The following TUSC3 variants were observed in gnomAD, a reference collection of about 807,000 sequenced individuals.
The protein encoded by TUSC3 is tumor suppressor candidate 3, also known as dolichyl-diphosphooligosaccharide--protein glycosyltransferase subunit TUSC3.
In TUSC3, 45 loss-of-function variants were observed where a neutral mutation model predicts 44.8. That is an observed-to-expected ratio of 1.00 (90% confidence interval 0.79 to 1.29). The LOEUF (loss-of-function observed/expected upper bound fraction) is 1.29, where lower values mean the gene tolerates loss of function less well. TUSC3 is among the 50% of genes most tolerant of loss of function. TUSC3 has a pLI of 0.00. For synonymous variants in TUSC3, 212 were observed against 152.9 expected (o/e 1.39, Z -2.85); for missense variants, 519 against 437.9 (o/e 1.19, Z -1.65).
intron 2 of TUSC3, among the ~76,000 whole-genome samples, chr8:15,499,388 C>G (rs937151018): frequency 2.0e-4 from 31 of 152,156 alleles, no homozygotes; most frequent in African/African-American, 7.5e-4. Flanking sequence ...AGAACTTTTG[C>G]ATTATCTCAG....
Position 15,540,346 on chromosome 8 carries a change from C to G in TUSC3, c.-85C>G. 2 of 1,393,500 alleles carry G rather than the reference C, an allele frequency of 1.4e-6. No individual in the cohort carries two copies. Among genetic ancestry groups the G allele is most frequent in the South Asian group, 3.2e-5 (2 of 62,174 alleles). 86.3% of individuals were successfully genotyped at this position (1,393,500 alleles called of 1,614,324 possible). On this transcript the variant is annotated 5_prime_UTR_variant, in exon 1 of 11. Transcript: ENST00000503731. ...CCGGAGGGCCCAGCCAGCGGGCTCCCGGAGGCTGGCCGGGCAGGCGTGGTG... is the reference window on the plus strand; with the variant it reads ...CCGGAGGGCCCAGCCAGCGGGCTCCGGGAGGCTGGCCGGGCAGGCGTGGTG...
chr8:15,587,784 AT>A (rs1554518777), intron 1 of TUSC3, among the ~76,000 whole-genome samples: 1 of 151,720 alleles, frequency 6.6e-6, no homozygotes, highest in Non-Finnish European at 1.5e-5. Context: ...GTATGAACTC[AT>A]TTTTTTCCAC....
chr8:15,692,189 A>ATTAACTT (rs1255791957), intron 6 of TUSC3, among the ~76,000 whole-genome samples: 3 of 152,114 alleles, frequency 2.0e-5, no homozygotes, highest in Non-Finnish European at 4.4e-5. Flanking sequence ...ATCATGGTGG[A>ATTAACTT]TTAACTTTTT....
At chr8:15,590,909 A>G (rs1360806816) in intron 1 of TUSC3, among the ~76,000 whole-genome samples, 2 of 152,134 alleles carry the variant, frequency 1.3e-5, no homozygotes, top group Non-Finnish European at 2.9e-5. Context: ...CCTGGACTCA[A>G]GCAGTCTGTG....
At chr8:15,582,131 C>G (rs1359267029) in intron 1 of TUSC3, among the ~76,000 whole-genome samples, 2 of 152,222 alleles carry the variant, frequency 1.3e-5, no homozygotes, top group Non-Finnish European at 2.9e-5. Context: ...ACCCCTTGCG[C>G]TTCCCAAGTG....
At chr8:15,776,753 A>T in the TUSC3 span, among the ~76,000 whole-genome samples, 1 of 152,116 alleles carries the variant, frequency 6.6e-6, no homozygotes, top group African/African-American at 2.4e-5. Flanking sequence ...TTCTACCATC[A>T]CAAAGTATTC....
chr8:15,707,189 G>C (rs1809653960), intron 6 of TUSC3, among the ~76,000 whole-genome samples: 1 of 151,936 alleles, frequency 6.6e-6, no homozygotes, highest in Non-Finnish European at 1.5e-5. Context: ...TAAAGTAATT[G>C]AACTGGTAAT....
chr8:15,784,675 A>C, the TUSC3 span, among the ~76,000 whole-genome samples: 3 of 152,064 alleles, frequency 2.0e-5, no homozygotes, highest in Admixed American at 1.3e-4. Flanking sequence ...AAAGACAAAT[A>C]CTGCATGATT....
At chr8:15,631,768 C>T (rs931202354) in intron 2 of TUSC3, among the ~76,000 whole-genome samples, 56 of 151,786 alleles carry the variant, frequency 3.7e-4, no homozygotes, top group Admixed American at 1.8e-3. Context: ...TGCAGTGGCG[C>T]GATCATGGCT....
intron 4 of TUSC3, among the ~76,000 whole-genome samples, chr8:15,661,070 C>A (rs2129179638): frequency 6.6e-6 from 1 of 151,970 alleles, no homozygotes; most frequent in Admixed American, 6.6e-5. Flanking sequence ...CCTGCTACCC[C>A]CATGTCTCTT....
At chr8:15,506,119 G>A (rs1801047371) in intron 2 of TUSC3, among the ~76,000 whole-genome samples, 1 of 152,174 alleles carries the variant, frequency 6.6e-6, no homozygotes, top group South Asian at 2.1e-4. Flanking sequence ...GAAAAAGAGA[G>A]TGACTTCCAC....
chr8:15,478,002 G>C (rs983728909), intron 1 of TUSC3, among the ~76,000 whole-genome samples: 3 of 152,024 alleles, frequency 2.0e-5, no homozygotes, highest in African/African-American at 7.2e-5. Context: ...CTGTTGCCCA[G>C]GCTAGAGTGC....
chr8:15,751,519 G>T (rs1015377193), intron 9 of TUSC3, among the ~76,000 whole-genome samples: 9 of 152,150 alleles, frequency 5.9e-5, no homozygotes, highest in African/African-American at 2.2e-4. Context: ...CTAGGAGGAA[G>T]TGATTGGCTA....
At chr8:15,591,319 T>C (rs1446302058) in intron 1 of TUSC3, among the ~76,000 whole-genome samples, 1 of 140,242 alleles carries the variant, frequency 7.1e-6, no homozygotes, top group African/African-American at 2.7e-5. Flanking sequence ...TCTACATTTA[T>C]GTATTTAAAA....
intron 6 of TUSC3, among the ~76,000 whole-genome samples, chr8:15,683,909 T>C (rs1186615974): frequency 1.3e-5 from 2 of 152,138 alleles, no homozygotes; most frequent in Non-Finnish European, 2.9e-5. Flanking sequence ...AGACTTTGTA[T>C]GGTTTCTTTG....
At chr8:15,503,103 C>G (rs985135470) in intron 2 of TUSC3, among the ~76,000 whole-genome samples, 1 of 152,168 alleles carries the variant, frequency 6.6e-6, no homozygotes, top group Non-Finnish European at 1.5e-5. Flanking sequence ...TCCCCAGAAC[C>G]TCGGAATGTG....
At chr8:15,443,265 C>T (rs912706158) in intron 1 of TUSC3, among the ~76,000 whole-genome samples, 1 of 151,694 alleles carries the variant, frequency 6.6e-6, no homozygotes. Flanking sequence ...TCTCGAGCTC[C>T]TGGACTGATC....
rs200033403 is a variant in TUSC3, at chr8:15,558,503, G to A, written c.138+17935G>A. 0.015 allele frequency among the ~76,000 whole-genome samples: 1,047 copies of A among 69,990 alleles called. 39 individuals are homozygous for A. In the East Asian group the frequency reaches 0.16, roughly 10 times the overall value. 45.9% of individuals were successfully genotyped at this position (69,990 alleles called of 152,430 possible). A position where few individuals can be genotyped will look rare whatever the true frequency, so the allele number is the denominator to read the frequency against. On this transcript the variant is annotated intron_variant, in intron 1 of 10. Transcript: ENST00000503731. ...GTGTCTCTGCCTGGCTTTGGTATCAGAATGATGCTGGCCTCATAAAATGAG... is the reference window on the plus strand; with the variant it reads ...GTGTCTCTGCCTGGCTTTGGTATCAAAATGATGCTGGCCTCATAAAATGAG...
the TUSC3 span, among the ~76,000 whole-genome samples, chr8:15,787,036 G>C: frequency 6.6e-6 from 1 of 150,940 alleles, no homozygotes; most frequent in African/African-American, 2.4e-5. Context: ...TGGGTCTGTG[G>C]TTTGCTATAT....
Sources: gnomAD v4.1 joint callset for allele counts (sites outside exome capture counted in the v4.1 genomes callset) on GRCh38, gnomAD v4.1.1 for gene constraint, MANE v1.5 for transcripts, NCBI Gene and HGNC (gene_info 2026-07-23, HGNC 2026-07-21) for gene names.